Variants in FAT3 observed in about 807,000 individuals in gnomAD.
FAT3 encodes protocadherin Fat 3.
Under a neutral mutation model 310.2 loss-of-function variants are expected in FAT3, and 95 were observed. The ratio of observed to expected loss-of-function variants is 0.31; its 90% CI spans 0.26 to 0.36. The LOEUF is 0.36. Among genes scored for constraint, FAT3 ranks in the 10% least tolerant of loss-of-function variants. The pLI is 1.00. For missense variants in FAT3, 5,408 were observed against 5,715.6 expected, an observed-to-expected ratio of 0.95 and a Z score of 1.74; for synonymous variants, 2,314 against 2,192.9, an observed-to-expected ratio of 1.06 and a Z score of -1.54.
chr11:92,706,421 T>C (rs1944355299), intron 4 of FAT3, among the ~76,000 whole-genome samples: 1 of 152,024 alleles, frequency 6.6e-6, no homozygotes, highest in South Asian at 2.1e-4. Flanking sequence ...GGTGGGGATG[T>C]GGACGGGGAG....
intron 19 of FAT3, among the ~76,000 whole-genome samples, chr11:92,848,504 A>G (rs1191186311): frequency 6.6e-6 from 1 of 152,308 alleles, no homozygotes; most frequent in South Asian, 2.1e-4. Context: ...GGCCTTGTTG[A>G]TTGTCCATTT....
chr11:92,623,944 A>G (rs1941208490), intron 3 of FAT3, among the ~76,000 whole-genome samples: 1 of 152,214 alleles, frequency 6.6e-6, no homozygotes, highest in African/African-American at 2.4e-5. Flanking sequence ...CTCTGCCTCA[A>G]AGAAAAAAAA....
At position 92,798,858 on chromosome 11, in the gene FAT3, G is replaced by A; in HGVS notation, c.5845G>A (p.Asp1949Asn). The part of the protein sequence containing the change: ...LTIKNNNLSK[D>N]HYMLIVKVSD... ...CATAAAAAACAACAACCTCTCCAAG[G>A]ATCACTACATGCTGATAGTTAAGGT... The change falls in exon 10 of 28, where the codon GAT becomes AAT. Residue 1949 changes from aspartate (D) to asparagine (N), a missense_variant. Transcript: ENST00000525166. The A allele has an allele frequency of 1.9e-6, 3 of 1,613,872 alleles. No homozygotes were observed. Among genetic ancestry groups the A allele is most frequent in the East Asian group, 4.5e-5 (2 of 44,866 alleles).
intron 3 of FAT3, among the ~76,000 whole-genome samples, chr11:92,667,548 A>G (rs1942994421): frequency 6.6e-6 from 1 of 152,206 alleles, no homozygotes; most frequent in Non-Finnish European, 1.5e-5. Flanking sequence ...GTTTGAAGCC[A>G]GAGTGCTGAC....
At chr11:92,241,557 T>C (rs1261115971) in intron 1 of FAT3, among the ~76,000 whole-genome samples, 1 of 152,122 alleles carries the variant, frequency 6.6e-6, no homozygotes, top group Non-Finnish European at 1.5e-5. Flanking sequence ...GTAATACTTA[T>C]TTTAAAATTA....
At position 92,739,270 on chromosome 11, in the gene FAT3, C is replaced by A. The variant is rs1032251199; in HGVS notation, c.3670-22586C>A. Among the ~76,000 whole-genome samples, 5 of 152,292 alleles carry A rather than the reference C, an allele frequency of 3.3e-5. No individual in the cohort carries two copies. The Middle Eastern group carries it at 0.01, about 311-fold the overall frequency. On this transcript the variant is annotated intron_variant, in intron 4 of 27. Transcript: ENST00000525166. ...CCTTCAGCTGCTGGTGATGCAATGACCTGATACCTCATGCAATCTTTTTGT... is the reference window on the plus strand; with the variant it reads ...CCTTCAGCTGCTGGTGATGCAATGAACTGATACCTCATGCAATCTTTTTGT...
At chr11:92,315,221 A>T (rs904350217) in intron 1 of FAT3, among the ~76,000 whole-genome samples, 2 of 150,252 alleles carry the variant, frequency 1.3e-5, no homozygotes, top group Non-Finnish European at 2.9e-5. Flanking sequence ...AATGTAAAAA[A>T]CAGTGCCTAC....
intron 1 of FAT3, chr11:92,336,091 T>C (rs959183319): frequency 3.7e-5 from 19 of 518,168 alleles, no homozygotes; most frequent in Non-Finnish European, 6.5e-5. Flanking sequence ...GATTCCATGA[T>C]GGGAAGGTCT....
chr11:92,799,517 G>A lies in FAT3; in HGVS notation c.6504G>A (p.Leu2168=). Residue 2168 remains leucine, a synonymous_variant, in exon 10 of 28, where the codon TTG becomes TTA. Transcript: ENST00000525166. Reference sequence around the variant, plus strand: ...CCAAGGATGGCGGAAAACCTTCTTTGTCTACATCTGTGGAGCTTCCCATCA... The same window carrying A: ...CCAAGGATGGCGGAAAACCTTCTTTATCTACATCTGTGGAGCTTCCCATCA... ...ILAKDGGKPS[L]STSVELPITI... 2 of 1,613,712 alleles carry A rather than the reference G, an allele frequency of 1.2e-6. No homozygotes were observed. The highest frequency in any genetic ancestry group is 1.7e-6 in the Non-Finnish European group (2 of 1,179,808).
intron 22 of FAT3, among the ~76,000 whole-genome samples, chr11:92,874,496 A>G (rs894283816): frequency 2.0e-5 from 3 of 152,216 alleles, no homozygotes; most frequent in Admixed American, 6.5e-5. Context: ...TCTTGTAGAA[A>G]GATTTGAGAA....
At position 92,852,504 on chromosome 11, in the gene FAT3, G is replaced by A. The variant is rs118041584; in HGVS notation, c.11366-4710G>A. 1.9e-3 allele frequency among the ~76,000 whole-genome samples: 295 copies of A among 152,214 alleles called. 1 individual carries two copies. The highest frequency in any genetic ancestry group is 3.6e-3 in the Non-Finnish European group (248 of 68,020). On this transcript the variant is annotated intron_variant, in intron 19 of 27. Transcript: ENST00000525166. The stretch of plus-strand genomic sequence containing the variant: ...CTGAGCATTTCCAGGCTGGAACTCA[G>A]GGAGGAGTCCCCAGAGGATTTTTAA...
intron 1 of FAT3, among the ~76,000 whole-genome samples, chr11:92,304,290 C>T (rs1357448603): frequency 2.0e-5 from 3 of 152,094 alleles, no homozygotes; most frequent in African/African-American, 4.8e-5. Flanking sequence ...GTAATTGACT[C>T]AATGTATTGC....
chr11:92,574,997 T>C (rs945965321), intron 3 of FAT3, among the ~76,000 whole-genome samples: 2 of 152,178 alleles, frequency 1.3e-5, no homozygotes, highest in African/African-American at 4.8e-5. Context: ...TCGGGTCTGA[T>C]GGCTTCAGAG....
In FAT3 at chr11:92,230,727, T is replaced by C. The variant is rs1407787681; in HGVS notation, c.-18+5553T>C. Among the ~76,000 whole-genome samples, 3 of 152,210 alleles carry C rather than the reference T, an allele frequency of 2.0e-5. No homozygotes were observed. In the East Asian group the frequency reaches 5.8e-4, roughly 29 times the overall value. Reference sequence around the variant, plus strand: ...ATCCATTGCTTCTGCTTCGTGCTGTTTATTGAGAAAATGAGAGATGCCTGT... The same window carrying C: ...ATCCATTGCTTCTGCTTCGTGCTGTCTATTGAGAAAATGAGAGATGCCTGT... On this transcript the variant is annotated intron_variant, in intron 1 of 27. Transcript: ENST00000525166.
chr11:92,271,067 G>A (rs1194709543), intron 1 of FAT3, among the ~76,000 whole-genome samples: 1 of 152,008 alleles, frequency 6.6e-6, no homozygotes, highest in Non-Finnish European at 1.5e-5. Context: ...TTGTGTTCCT[G>A]CAGCAGCCTC....
chr11:92,496,739 C>T (rs954403701), intron 2 of FAT3, among the ~76,000 whole-genome samples: 15 of 151,880 alleles, frequency 9.9e-5, no homozygotes, highest in African/African-American at 3.4e-4. Flanking sequence ...GCCTGCAGCC[C>T]CACGGTGTTA....
At chr11:92,839,232 G>T (rs961065882) in intron 17 of FAT3, among the ~76,000 whole-genome samples, 12 of 152,164 alleles carry the variant, frequency 7.9e-5, no homozygotes, top group African/African-American at 2.9e-4. Flanking sequence ...TGATGGTGGG[G>T]CCCCTATCCG....
chr11:92,258,067 C>T lies in FAT3; in HGVS notation c.-18+32893C>T, dbSNP rs375507573. ...TGTTTTAATGTAATTTACTATTATTCACATTGCTTAAGGGATGACAAAGTA... is the reference window on the plus strand; with the variant it reads ...TGTTTTAATGTAATTTACTATTATTTACATTGCTTAAGGGATGACAAAGTA... On this transcript the variant is annotated intron_variant, in intron 1 of 27. Coordinates refer to ENST00000525166, the MANE Select transcript of FAT3 (RefSeq NM_001367949.2). Among the ~76,000 whole-genome samples, 17 of 152,092 alleles carry T rather than the reference C, an allele frequency of 1.1e-4. No individual in the cohort carries two copies. The East Asian group carries it at 1.5e-3, about 14-fold the overall frequency.
At chr11:92,432,521 T>A (rs187723792) in intron 2 of FAT3, among the ~76,000 whole-genome samples, 6 of 152,320 alleles carry the variant, frequency 3.9e-5, no homozygotes, top group Non-Finnish European at 8.8e-5. Context: ...GTCAGGCCCC[T>A]CTTCTGCAGG....
Sources: allele counts gnomAD v4.1 joint callset (sites outside exome capture counted in the v4.1 genomes callset), GRCh38; gene constraint gnomAD v4.1.1; transcripts MANE v1.5; gene names NCBI Gene and HGNC (gene_info 2026-07-23, HGNC 2026-07-21).